The following NCOA1 variants were observed in gnomAD, a reference collection of about 807,000 sequenced individuals.
The protein encoded by NCOA1 is nuclear receptor coactivator 1.
A neutral mutation model predicts 150.9 loss-of-function variants in NCOA1; 35 were observed. The observed-to-expected ratio is 0.23, with a 90% CI of 0.18 to 0.31. The LOEUF (loss-of-function observed/expected upper bound fraction) is 0.31, where lower values mean the gene tolerates loss of function less well. Among genes scored for constraint, NCOA1 ranks in the 10% least tolerant of loss-of-function variants. NCOA1 has a pLI of 1.00. For missense variants in NCOA1, 1,491 were observed against 1,749.3 expected (o/e 0.85, Z 2.63); for synonymous variants, 590 against 630.0 (o/e 0.94, Z 0.95).
Position 24,707,499 on chromosome 2 carries a change from C to G in NCOA1, c.2029C>G (p.Pro677Ala). 6.2e-7 allele frequency: 1 copy of G among 1,614,162 alleles called. No homozygotes were observed. Among genetic ancestry groups the G allele is most frequent in the East Asian group, 2.2e-5 (1 of 44,880 alleles). Residue 677 changes from proline to alanine, a missense_variant, in exon 13 of 23, where the codon CCC becomes GCC. Pro to Ala is a conservative substitution (Grantham distance 27). Around this residue, in one of 8 missense-constraint regions of NCOA1, gnomAD observed 703 missense variants for 717.7 expected, o/e 0.98. Coordinates refer to ENST00000348332, the MANE Select transcript of NCOA1 (RefSeq NM_003743.5). Reference sequence around the variant, plus strand: ...TGCTAACTCTTCAGGAGGTTCTTGTCCCTCTTCTCATAGCTCATTGACAGA... The same window carrying G: ...TGCTAACTCTTCAGGAGGTTCTTGTGCCTCTTCTCATAGCTCATTGACAGA... ...ASANSSGGSCPSSHSSLTERH... is the reference protein window; with the variant it reads ...ASANSSGGSCASSHSSLTERH...
rs1253642213 is a variant in NCOA1, at chr2:24,727,409, GT to G, written c.2717+706del. Among the ~76,000 whole-genome samples the G allele has an allele frequency of 2.0e-5, 3 of 151,884 alleles. No individual in the cohort carries two copies. In the East Asian group the frequency reaches 5.8e-4, roughly 29 times the overall value. ...ATTATTTTGTCCAGCATTTCTCTTC[GT>G]TTGGTGCAAGAAGTTATAAGAAAGG... On this transcript the variant is annotated intron_variant, in intron 15 of 22. Coordinates refer to ENST00000348332, the MANE Select transcript of NCOA1 (RefSeq NM_003743.5).
intron 14 of NCOA1, among the ~76,000 whole-genome samples, chr2:24,723,364 G>A (rs1674453137): frequency 6.6e-6 from 1 of 152,114 alleles, no homozygotes; most frequent in Non-Finnish European, 1.5e-5. Flanking sequence ...AGCCTGATAG[G>A]CATCTTTTGC....
At chr2:24,684,916 A>G (rs1672334024) in intron 8 of NCOA1, among the ~76,000 whole-genome samples, 1 of 152,156 alleles carries the variant, frequency 6.6e-6, no homozygotes, top group Non-Finnish European at 1.5e-5. Flanking sequence ...GAGAAAATAA[A>G]TTATAGTACC....
At chr2:24,563,398 C>T (rs905039944) in intron 1 of NCOA1, among the ~76,000 whole-genome samples, 1 of 152,172 alleles carries the variant, frequency 6.6e-6, no homozygotes, top group Non-Finnish European at 1.5e-5. Flanking sequence ...TAATGACCGT[C>T]TCTGGAGCCT....
chr2:24,726,815 A>G, intron 15 of NCOA1, 109 bp downstream of exon 15: 2 of 493,378 alleles, frequency 4.1e-6, no homozygotes, highest in Non-Finnish European at 6.8e-6. Context: ...GTGAGATATT[A>G]ATAGATGTAA....
chr2:24,571,498 A>G (rs1666743678), intron 2 of NCOA1, among the ~76,000 whole-genome samples: 1 of 152,178 alleles, frequency 6.6e-6, no homozygotes, highest in African/African-American at 2.4e-5. Context: ...TGTGAAGTAG[A>G]CATTAACTTG....
At chr2:24,733,763 A>G (rs1368957004) in intron 17 of NCOA1, among the ~76,000 whole-genome samples, 1 of 152,110 alleles carries the variant, frequency 6.6e-6, no homozygotes. Context: ...ACAAAACAAA[A>G]CAAAAAACAG....
chr2:24,752,607 CAG>C (rs1342044373), intron 20 of NCOA1, among the ~76,000 whole-genome samples: 2 of 152,178 alleles, frequency 1.3e-5, no homozygotes, highest in Non-Finnish European at 2.9e-5. Flanking sequence ...ACATCAGTAA[CAG>C]AGCTTCCCTG....
intron 1 of NCOA1, among the ~76,000 whole-genome samples, chr2:24,513,235 T>C (rs567872442): frequency 6.6e-6 from 1 of 152,196 alleles, no homozygotes; most frequent in South Asian, 2.1e-4. Context: ...AGTAAAACAT[T>C]GTGGAGTTCA....
intron 3 of NCOA1, among the ~76,000 whole-genome samples, chr2:24,621,252 C>G (rs1007379370): frequency 6.6e-6 from 1 of 151,960 alleles, no homozygotes; most frequent in Non-Finnish European, 1.5e-5. Flanking sequence ...AGTAACGGCA[C>G]TTCAGTCCTC....
At chr2:24,684,067 T>C (rs1282056142) in intron 8 of NCOA1, among the ~76,000 whole-genome samples, 1 of 152,188 alleles carries the variant, frequency 6.6e-6, no homozygotes, top group Non-Finnish European at 1.5e-5. Flanking sequence ...CCATACCGTT[T>C]AGTATGGGAA....
chr2:24,759,209 G>A (rs550619561), intron 21 of NCOA1, among the ~76,000 whole-genome samples: 4 of 152,294 alleles, frequency 2.6e-5, no homozygotes, highest in African/African-American at 9.6e-5. Flanking sequence ...AAACTGGTAT[G>A]TAAGAGATAG....
chr2:24,631,346 G>C (rs1302725454), intron 3 of NCOA1, among the ~76,000 whole-genome samples: 1 of 152,092 alleles, frequency 6.6e-6, no homozygotes, highest in Non-Finnish European at 1.5e-5. Context: ...CCATCAAAAA[G>C]TATATCCTAA....
intron 14 of NCOA1, among the ~76,000 whole-genome samples, chr2:24,713,278 A>T (rs1241839161): frequency 6.6e-6 from 1 of 151,760 alleles, no homozygotes; most frequent in Admixed American, 6.5e-5. Context: ...AATTTAATTT[A>T]AAAAAATAAA....
At chr2:24,635,895 TA>T (rs1473765356) in intron 3 of NCOA1, among the ~76,000 whole-genome samples, 1 of 152,208 alleles carries the variant, frequency 6.6e-6, no homozygotes, top group African/African-American at 2.4e-5. Context: ...ATTGAAAATA[TA>T]AAAAGCATTT....
At chr2:24,629,264 G>T (rs1669567015) in intron 3 of NCOA1, among the ~76,000 whole-genome samples, 1 of 151,962 alleles carries the variant, frequency 6.6e-6, no homozygotes, top group South Asian at 2.1e-4. Context: ...TAGTAATATT[G>T]AAATATACTA....
chr2:24,753,073 A>G (rs1664328604), intron 20 of NCOA1, among the ~76,000 whole-genome samples: 1 of 152,232 alleles, frequency 6.6e-6, no homozygotes, highest in Admixed American at 6.5e-5. Flanking sequence ...GGTGAGAGAA[A>G]ATCTTCATGT....
intron 6 of NCOA1, among the ~76,000 whole-genome samples, chr2:24,669,302 T>C (rs1671580341): frequency 6.6e-6 from 1 of 152,204 alleles, no homozygotes; most frequent in Admixed American, 6.5e-5. Context: ...CTGCCATTCC[T>C]AGGGTATTGC....
At chr2:24,668,664 T>TA (rs1671540821) in intron 6 of NCOA1, among the ~76,000 whole-genome samples, 1 of 152,140 alleles carries the variant, frequency 6.6e-6, no homozygotes, top group Non-Finnish European at 1.5e-5. Context: ...CATAGGATCT[T>TA]AATCCAGGGA....
Sources: gnomAD v4.1 joint callset for allele counts (sites outside exome capture counted in the v4.1 genomes callset) on GRCh38, gnomAD v4.1.1 for gene constraint, gnomAD v4.1.1 regional missense constraint, MANE v1.5 for transcripts, NCBI Gene and HGNC (gene_info 2026-07-23, HGNC 2026-07-21) for gene names.